Variants in NEBL observed in about 807,000 individuals in gnomAD.
NEBL encodes nebulette, also known as LIM and SH3 protein 2.
In NEBL, 122 loss-of-function variants were observed where a neutral mutation model predicts 140.2. The observed-to-expected ratio is 0.87, with a 90% CI of 0.75 to 1.01. The LOEUF is 1.01. NEBL is among the 50% of genes least tolerant of loss of function. NEBL has a pLI of 0.00. For synonymous variants in NEBL, 436 were observed against 398.9 expected (o/e 1.09, Z -1.11); for missense variants, 1,365 against 1,231.3 (o/e 1.11, Z -1.62).
At chr10:21,198,867 G>A (rs945388140) in intron 3 of NEBL, among the ~76,000 whole-genome samples, 1 of 151,778 alleles carries the variant, frequency 6.6e-6, no homozygotes, top group African/African-American at 2.4e-5. Flanking sequence ...CTCTTTCTCG[G>A]GAATTTTACC....
At chr10:21,064,923 A>G (rs936870253) in intron 2 of NEBL, among the ~76,000 whole-genome samples, 3 of 152,148 alleles carry the variant, frequency 2.0e-5, no homozygotes. Context: ...AAAAATATTT[A>G]AGAATGAGAT....
intron 4 of NEBL, among the ~76,000 whole-genome samples, chr10:20,946,321 G>A (rs1420646243): frequency 1.3e-5 from 2 of 152,196 alleles, no homozygotes; most frequent in African/African-American, 4.8e-5. Flanking sequence ...TTTTCAAGAA[G>A]CTGTGGCCCT....
intron 3 of NEBL, among the ~76,000 whole-genome samples, chr10:21,223,799 A>G (rs1308663919): frequency 2.6e-5 from 4 of 152,132 alleles, no homozygotes; most frequent in African/African-American, 9.7e-5. Flanking sequence ...GATGTTGAGC[A>G]CCTTTTCATT....
chr10:20,798,892 A>T (rs1836826579), intron 26 of NEBL, among the ~76,000 whole-genome samples: 1 of 152,164 alleles, frequency 6.6e-6, no homozygotes, highest in East Asian at 1.9e-4. Flanking sequence ...CCTTTCCCCA[A>T]CTTCACACTC....
intron 2 of NEBL, among the ~76,000 whole-genome samples, chr10:21,110,330 T>A (rs1379669822): frequency 4.6e-5 from 7 of 152,152 alleles, no homozygotes; most frequent in Non-Finnish European, 1.0e-4. Flanking sequence ...AAATACAAAT[T>A]TAAGTTTCTT....
At chr10:20,883,181 A>G (rs938800848) in intron 4 of NEBL, among the ~76,000 whole-genome samples, 64 of 152,236 alleles carry the variant, frequency 4.2e-4, no homozygotes, top group Non-Finnish European at 3.8e-4. Flanking sequence ...GTTAAACATT[A>G]TTAACACATC....
intron 4 of NEBL, among the ~76,000 whole-genome samples, chr10:20,887,532 C>T (rs1307425865): frequency 3.3e-5 from 5 of 150,810 alleles, no homozygotes; most frequent in South Asian, 2.1e-4. Flanking sequence ...AATCCTCCCA[C>T]CTCAGCCTCC....
intron 23 of NEBL, among the ~76,000 whole-genome samples, chr10:20,813,196 T>C (rs1282528458): frequency 6.6e-6 from 1 of 150,786 alleles, no homozygotes. Flanking sequence ...TATATATATA[T>C]TATTAATGAG....
chr10:20,923,171 G>A lies in NEBL; in HGVS notation c.357+38501C>T, dbSNP rs542547501. Among the ~76,000 whole-genome samples, 79 of 151,900 alleles carry A rather than the reference G, an allele frequency of 5.2e-4. No homozygotes were observed. In the Middle Eastern group the frequency reaches 0.01, roughly 20 times the overall value. On this transcript the variant is annotated intron_variant, in intron 4 of 6. Transcript: ENST00000417816. The stretch of plus-strand genomic sequence containing the variant: ...GCAGCCTTAATCTCCCATCTCAATC[G>A]ATCCTCCAGCCTCAGCCTCCCAAGT...
chr10:20,955,905 T>C (rs547411163), intron 4 of NEBL, among the ~76,000 whole-genome samples: 1 of 144,402 alleles, frequency 6.9e-6, no homozygotes, highest in South Asian at 2.2e-4. Context: ...CCCTCATCTC[T>C]TGTTTCAAAA....
Position 20,911,662 on chromosome 10 carries a change from T to C in NEBL, c.357+50010A>G, listed in dbSNP as rs145041113. 2.2e-3 allele frequency among the ~76,000 whole-genome samples: 330 copies of C among 152,330 alleles called. 9 individuals are homozygous for C. The East Asian group carries it at 0.043, about 20-fold the overall frequency. ...TAAGAAAGTATAAGTGGATTTTATA[T>C]GTACATAAAATAGGGACATATTCCC... is the stretch of plus-strand genomic sequence containing the variant. On this transcript the variant is annotated intron_variant, in intron 4 of 6. Transcript: ENST00000417816.
chr10:20,782,152 T>C lies in NEBL; in HGVS notation c.*3595A>G, dbSNP rs574180824. On this transcript the variant is annotated 3_prime_UTR_variant, in exon 28 of 28. Coordinates refer to ENST00000377122, the MANE Select transcript of NEBL (RefSeq NM_006393.3). ...GATAAAATACAATCAGCTAACACCT[T>C]TAATATCTGAGGAGCATCCCACTTC... 42 of 152,606 alleles carry C rather than the reference T, an allele frequency of 2.8e-4. No individual in the cohort carries two copies. The highest frequency in any genetic ancestry group is 8.9e-4 in the African/African-American group (37 of 41,532). The allele number at this position is 152,606 out of a possible 1,614,324, so 9.5% of individuals were successfully genotyped here. A position where few individuals can be genotyped will look rare whatever the true frequency, so the allele number is the denominator to read the frequency against.
At position 20,785,645 on chromosome 10, in the gene NEBL, T is replaced by C; in HGVS notation, c.*102A>G. ...TAATTGTCAAAGGAAGGATACATCA[T>C]TGTAAAATAATGGCCAAGTTGTCTT... On this transcript the variant is annotated 3_prime_UTR_variant, in exon 28 of 28. Coordinates refer to ENST00000377122, the MANE Select transcript of NEBL (RefSeq NM_006393.3). 14 of 1,333,380 alleles carry C rather than the reference T, an allele frequency of 1.0e-5. No homozygotes were observed. Among genetic ancestry groups the C allele is most frequent in the African/African-American group, 1.5e-5 (1 of 68,504 alleles). 82.6% of individuals were successfully genotyped at this position (1,333,380 alleles called of 1,614,324 possible).
At chr10:21,265,700 C>A (rs1013215203) in intron 1 of NEBL, among the ~76,000 whole-genome samples, 1 of 152,190 alleles carries the variant, frequency 6.6e-6, no homozygotes, top group Non-Finnish European at 1.5e-5. Flanking sequence ...ATAAAACAGG[C>A]AACAGTACGC....
In NEBL at chr10:20,969,428, T is replaced by C. The variant is rs1365435601; in HGVS notation, c.250-7649A>G. 2.0e-5 allele frequency among the ~76,000 whole-genome samples: 3 copies of C among 151,304 alleles called. No homozygotes were observed. In the East Asian group the frequency reaches 5.8e-4, roughly 29 times the overall value. On this transcript the variant is annotated intron_variant, in intron 3 of 6. Transcript: ENST00000417816. ...TACTGTTTTGTCAGTTTTCCATGTA[T>C]ATTCACAATCCAACTTTACCAGATT...
chr10:21,099,621 A>C (rs1217651627), intron 2 of NEBL, among the ~76,000 whole-genome samples: 2 of 152,204 alleles, frequency 1.3e-5, no homozygotes, highest in African/African-American at 4.8e-5. Flanking sequence ...CCGTAACTGC[A>C]TTTGATATGA....
upstream of NEBL, among the ~76,000 whole-genome samples, chr10:21,179,309 A>C (rs1025126955): frequency 2.0e-5 from 3 of 152,156 alleles, no homozygotes; most frequent in Non-Finnish European, 4.4e-5. Flanking sequence ...CATAGATAAC[A>C]ACTTGGACAT....
chr10:21,222,917 C>T (rs1842092412), intron 3 of NEBL, among the ~76,000 whole-genome samples: 1 of 152,208 alleles, frequency 6.6e-6, no homozygotes, highest in Admixed American at 6.5e-5. Flanking sequence ...CATGCACCAC[C>T]ATGCCCGGCT....
intron 26 of NEBL, among the ~76,000 whole-genome samples, chr10:20,796,588 T>A (rs1167368407): frequency 6.6e-6 from 1 of 152,144 alleles, no homozygotes; most frequent in Non-Finnish European, 1.5e-5. Flanking sequence ...CTGACAGAAC[T>A]GAGCTAAACC....
Sources: allele counts gnomAD v4.1 joint callset (sites outside exome capture counted in the v4.1 genomes callset), GRCh38; gene constraint gnomAD v4.1.1; transcripts MANE v1.5; gene names NCBI Gene and HGNC (gene_info 2026-07-23, HGNC 2026-07-21).